The following TRNT1 variants were observed in gnomAD, a reference collection of about 807,000 sequenced individuals.
TRNT1 encodes the protein CCA tRNA nucleotidyltransferase 1, mitochondrial.
TRNT1 carries 44 observed loss-of-function variants against 45.6 expected under a neutral mutation model. The ratio of observed to expected loss-of-function variants is 0.97; its 90% CI spans 0.76 to 1.24. The LOEUF (loss-of-function observed/expected upper bound fraction) is 1.24. Among genes scored for constraint, TRNT1 ranks in the 50% most tolerant of loss-of-function variants. The probability of loss-of-function intolerance (pLI) is 0.00; values close to 1 mark genes in which losing one functional copy is unlikely to be tolerated. For missense variants in TRNT1, 633 were observed against 504.4 expected, an observed-to-expected ratio of 1.25 and a Z score of -2.44; for synonymous variants, 201 against 171.4, an observed-to-expected ratio of 1.17 and a Z score of -1.35.
chr3:3,150,873 A>C (rs1300645996), downstream of TRNT1: 2 of 1,613,640 alleles, frequency 1.2e-6, no homozygotes. Context: ...GTTTACAAGC[A>C]AAGTATTACT....
chr3:3,152,738 T>C (rs551757308), downstream of TRNT1: 5 of 962,808 alleles, frequency 5.2e-6, no homozygotes, highest in African/African-American at 4.9e-5. Flanking sequence ...GATCTTAGTA[T>C]GAAAATGGGG....
chr3:3,150,886 G>T (rs147065790), downstream of TRNT1: 2 of 1,613,600 alleles, frequency 1.2e-6, no homozygotes, highest in South Asian at 2.2e-5. Context: ...GTATTACTTT[G>T]TCTGGACTTA....
At chr3:3,153,336 C>A, downstream of TRNT1, 1 of 806,936 alleles carries the variant, frequency 1.2e-6, no homozygotes, top group Non-Finnish European at 2.2e-6. Context: ...CTTTAAGGTA[C>A]TGGAGGAAAG....
At chr3:3,127,841 C>G (rs1704689757) in intron 1 of TRNT1, 1 of 152,152 alleles carries the variant, frequency 6.6e-6, no homozygotes, top group African/African-American at 2.4e-5. Flanking sequence ...CGTGGTAATG[C>G]TCCCCGACCA....
chr3:3,138,108 A>T (rs1208284767), intron 3 of TRNT1, among the ~76,000 whole-genome samples: 3 of 152,098 alleles, frequency 2.0e-5, no homozygotes, highest in Admixed American at 6.6e-5. Flanking sequence ...TCCAATATGG[A>T]CTTTTAGGAA....
At chr3:3,152,421 A>T (rs751507795), downstream of TRNT1, 6 of 1,586,736 alleles carry the variant, frequency 3.8e-6, no homozygotes, top group East Asian at 2.4e-5. Flanking sequence ...AAGGTAAAAA[A>T]AGAAAAAAAA....
intron 2 of TRNT1, among the ~76,000 whole-genome samples, chr3:3,135,939 G>A (rs750167496): frequency 1.3e-5 from 2 of 152,140 alleles, no homozygotes; most frequent in Non-Finnish European, 2.9e-5. Context: ...TATAGGAGTT[G>A]GGCTTGTATT....
chr3:3,151,698 C>G (rs1360697533), downstream of TRNT1, among the ~76,000 whole-genome samples: 1 of 152,128 alleles, frequency 6.6e-6, no homozygotes, highest in African/African-American at 2.4e-5. Context: ...ATAGGGCAAT[C>G]CAAGATACAT....
At chr3:3,130,868 G>C (rs2126005930) in intron 2 of TRNT1, among the ~76,000 whole-genome samples, 1 of 152,074 alleles carries the variant, frequency 6.6e-6, no homozygotes, top group South Asian at 2.1e-4. Flanking sequence ...GATCACTTGA[G>C]CCCAGGAGTT....
intron 1 of TRNT1, 188 bp downstream of exon 1, chr3:3,127,178 T>G (rs1276316931): frequency 5.9e-5 from 9 of 152,334 alleles, no homozygotes; most frequent in Non-Finnish European, 1.3e-4. Flanking sequence ...CCGCCACGTT[T>G]CCGGCGACCG....
At chr3:3,147,385 G>A in intron 6 of TRNT1, 65 bp from the exon 7 acceptor site, 1 of 1,575,142 alleles carries the variant, frequency 6.3e-7, no homozygotes, top group East Asian at 2.2e-5. Context: ...TGGTGGCAAG[G>A]TTTAGGATAT....
downstream of TRNT1, chr3:3,152,913 T>A: frequency 2.7e-6 from 1 of 370,310 alleles, no homozygotes; most frequent in Non-Finnish European, 5.1e-6. Flanking sequence ...GTAAGTGCAA[T>A]GACAAGGTCC....
At chr3:3,133,371 T>G (rs1705131691) in intron 2 of TRNT1, among the ~76,000 whole-genome samples, 1 of 151,960 alleles carries the variant, frequency 6.6e-6, no homozygotes, top group African/African-American at 2.4e-5. Flanking sequence ...CTGAGCAACA[T>G]AGTGAAATCC....
chr3:3,128,869 C>A, intron 1 of TRNT1, 145 bp from the exon 2 acceptor site: 1 of 623,050 alleles, frequency 1.6e-6, no homozygotes, highest in South Asian at 2.3e-5. Context: ...AGTCGTAATC[C>A]CTCAAACTGA....
intron 3 of TRNT1, among the ~76,000 whole-genome samples, chr3:3,139,496 T>G (rs1001029459): frequency 3.3e-5 from 5 of 152,212 alleles, no homozygotes; most frequent in African/African-American, 1.2e-4. Context: ...TACTCCTAAA[T>G]GCTAATATGC....
downstream of TRNT1, among the ~76,000 whole-genome samples, chr3:3,151,607 T>C (rs1006245655): frequency 6.6e-6 from 1 of 152,256 alleles, no homozygotes; most frequent in African/African-American, 2.4e-5. Context: ...CCTTATTTTT[T>C]TCCCTAGGTA....
Position 3,146,449 on chromosome 3 carries a change from G to T in TRNT1, c.628G>T (p.Asp210Tyr). Reference sequence around the variant, plus strand: ...TTGTAGGTTTTATGGGAGAATTGTAGACAAACCTGGTGACCATGATCCTGA... The same window carrying T: ...TTGTAGGTTTTATGGGAGAATTGTATACAAACCTGGTGACCATGATCCTGA... ...RYFRFYGRIV[D>Y]KPGDHDPETL... The change falls in exon 6 of 8, where the codon GAC becomes TAC. Residue 210 changes from aspartate to tyrosine, a missense_variant. Physicochemically the swap from Asp to Tyr is radical, Grantham distance 160. Coordinates refer to ENST00000251607, the MANE Select transcript of TRNT1 (RefSeq NM_182916.3). 6.2e-7 allele frequency: 1 copy of T among 1,612,112 alleles called. No individual in the cohort carries two copies. The highest frequency in any genetic ancestry group is 1.1e-5 in the South Asian group (1 of 90,724).
chr3:3,147,394 A>C (rs1706114641), intron 6 of TRNT1, 56 bp from the exon 7 acceptor site: 2 of 1,591,742 alleles, frequency 1.3e-6, no homozygotes, highest in East Asian at 4.5e-5. Flanking sequence ...GGTTTAGGAT[A>C]TGAGTGGTTT....
chr3:3,141,640 A>G (rs1369140760), intron 4 of TRNT1, among the ~76,000 whole-genome samples: 1 of 152,188 alleles, frequency 6.6e-6, no homozygotes, highest in African/African-American at 2.4e-5. Context: ...TACATTACTG[A>G]TGCATCATAT....
Sources: allele counts gnomAD v4.1 joint callset (sites outside exome capture counted in the v4.1 genomes callset), GRCh38; gene constraint gnomAD v4.1.1; transcripts MANE v1.5; gene names NCBI Gene and HGNC (gene_info 2026-07-23, HGNC 2026-07-21).